The following NUSAP1 variants were observed in gnomAD, a reference collection of about 807,000 sequenced individuals.
NUSAP1 encodes the protein nucleolar and spindle-associated protein 1.
In NUSAP1, 32 loss-of-function variants were observed where a neutral mutation model predicts 52.8. That is an observed-to-expected ratio of 0.61 (90% CI 0.46 to 0.81). The LOEUF (loss-of-function observed/expected upper bound fraction) is 0.81. Among genes scored for constraint, NUSAP1 ranks in the 40% least tolerant of loss-of-function variants. The pLI, the probability that NUSAP1 is intolerant of heterozygous loss-of-function variation, is 0.00. For missense variants in NUSAP1, 499 were observed against 522.3 expected, an observed-to-expected ratio of 0.96 and a Z score of 0.43; for synonymous variants, 195 against 183.1, an observed-to-expected ratio of 1.06 and a Z score of -0.52.
chr15:41,378,297 C>T (rs564993890), intron 10 of NUSAP1, among the ~76,000 whole-genome samples: 40 of 152,290 alleles, frequency 2.6e-4, no homozygotes, highest in African/African-American at 5.8e-4. Flanking sequence ...GGCGTCAAGG[C>T]CCTATAAAGA....
rs2048935807 is a variant in NUSAP1 at position 41,355,609 on chromosome 15, A to G, written c.449-430A>G. The stretch of plus-strand genomic sequence containing the variant: ...CTCCCTATGTGCTGTTTCTACCACC[A>G]TCTTGACAGAGCCTACCATGTGAAA... On this transcript the variant is annotated intron_variant, in intron 4 of 10. Transcript: ENST00000559596. 2.0e-5 allele frequency among the ~76,000 whole-genome samples: 3 copies of G among 151,696 alleles called. 1 individual carries two copies. The South Asian group carries it at 6.2e-4, about 31-fold the overall frequency.
At chr15:41,347,199 C>T (rs1463146354) in intron 2 of NUSAP1, among the ~76,000 whole-genome samples, 3 of 151,984 alleles carry the variant, frequency 2.0e-5, no homozygotes, top group African/African-American at 7.2e-5. Context: ...GATGATAGGC[C>T]TCACTAAACC....
In NUSAP1 at chr15:41,332,985, G is replaced by T; in HGVS notation, c.28G>T (p.Asp10Tyr). Residue 10 changes from aspartate to tyrosine, a missense_variant, in exon 1 of 11, where the codon GAC (aspartate) becomes TAC (tyrosine). Coordinates refer to ENST00000559596, the MANE Select transcript of NUSAP1 (RefSeq NM_016359.5). ...GATCATCCCCTCTCTAGAGGAGCTG[G>T]ACTCCCTCAAGTACAGTGACCTGCA... MIIPSLEEL[D>Y]SLKYSDLQNL... is the part of the protein sequence containing the mutation. The T allele has an allele frequency of 6.2e-7, 1 of 1,611,726 alleles. No homozygotes were observed. The highest frequency in any genetic ancestry group is 8.5e-7 in the Non-Finnish European group (1 of 1,178,888).
intron 5 of NUSAP1, among the ~76,000 whole-genome samples, chr15:41,357,209 A>G (rs2049006736): frequency 6.6e-6 from 1 of 151,922 alleles, no homozygotes; most frequent in African/African-American, 2.4e-5. Context: ...CTCTACTGAA[A>G]ATACAAACAT....
intron 2 of NUSAP1, chr15:41,345,468 C>CTTTT: frequency 2.8e-6 from 1 of 355,688 alleles, no homozygotes; most frequent in African/African-American, 2.3e-5. Flanking sequence ...TTTTTTCTTT[C>CTTTT]TTTTTTTTTT....
At chr15:41,340,240 C>T (rs541801387) in intron 1 of NUSAP1, among the ~76,000 whole-genome samples, 4 of 152,106 alleles carry the variant, frequency 2.6e-5, no homozygotes, top group African/African-American at 4.8e-5. Context: ...CTGTTCTTGG[C>T]GCTCGCTCTG....
intron 9 of NUSAP1, among the ~76,000 whole-genome samples, chr15:41,376,343 G>A (rs2049933955): frequency 6.6e-6 from 1 of 151,944 alleles, no homozygotes; most frequent in Admixed American, 6.6e-5. Flanking sequence ...AGGTTGCAGT[G>A]AGCCGAGATT....
chr15:41,365,700 T>C (rs1262737830), intron 7 of NUSAP1, 111 bp downstream of exon 7: 9 of 675,866 alleles, frequency 1.3e-5, no homozygotes, highest in Non-Finnish European at 2.0e-5. Flanking sequence ...GGGTACATAG[T>C]GATGTTTCTT....
chr15:41,345,672 G>A, intron 2 of NUSAP1: 1 of 267,336 alleles, frequency 3.7e-6, no homozygotes, highest in South Asian at 3.1e-5. Context: ...TTGTCAGGCT[G>A]GTCTCAAACT....
chr15:41,334,227 TCC>T, intron 1 of NUSAP1, among the ~76,000 whole-genome samples: 1 of 152,300 alleles, frequency 6.6e-6, no homozygotes, highest in African/African-American at 2.4e-5. Context: ...CAAGCGATTC[TCC>T]TGCCTCAGCC....
chr15:41,377,247 A>G lies in NUSAP1; in HGVS notation c.1175A>G (p.His392Arg). 1 of 1,543,338 alleles carries G rather than the reference A, an allele frequency of 6.5e-7. No individual in the cohort carries two copies. Among genetic ancestry groups the G allele is most frequent in the East Asian group, 2.4e-5 (1 of 41,122 alleles). Residue 392 changes from histidine to arginine, a missense_variant, in exon 10 of 11, where the codon CAT (histidine) becomes CGT (arginine). By Grantham distance (29) the His-to-Arg change is conservative (BLOSUM62 0). Transcript: ENST00000559596. The part of the protein sequence containing the change: ...QSKENNYLNQ[H>R]VNRINFYKKT... Reference sequence around the variant, plus strand: ...AAAGAAAATAATTATCTAAATCAACATGTCAACAGAATTAACTTCTACAAG... The same window carrying G: ...AAAGAAAATAATTATCTAAATCAACGTGTCAACAGAATTAACTTCTACAAG...
At chr15:41,376,600 A>C (rs1437412012) in intron 9 of NUSAP1, among the ~76,000 whole-genome samples, 1 of 151,754 alleles carries the variant, frequency 6.6e-6, no homozygotes, top group Non-Finnish European at 1.5e-5. Flanking sequence ...CTGAGGTGGG[A>C]GAATGGTGTG....
At chr15:41,380,040 A>T in intron 10 of NUSAP1, 53 bp from the exon 11 acceptor site, 1 of 1,318,052 alleles carries the variant, frequency 7.6e-7, no homozygotes, top group East Asian at 2.5e-5. Flanking sequence ...GTTGCTTTAA[A>T]GTATCTGTTT....
chr15:41,380,302 C>T lies in NUSAP1; in HGVS notation c.*116C>T. 1.5e-6 allele frequency: 1 copy of T among 675,750 alleles called. No individual in the cohort carries two copies. The highest frequency in any genetic ancestry group is 2.8e-5 in the East Asian group (1 of 35,786). The allele number at this position is 675,750 out of a possible 1,614,324, so 41.9% of individuals were successfully genotyped here. A position where few individuals can be genotyped will look rare whatever the true frequency, so the allele number is the denominator to read the frequency against. On this transcript the variant is annotated 3_prime_UTR_variant, in exon 11 of 11. Coordinates refer to ENST00000559596, the MANE Select transcript of NUSAP1 (RefSeq NM_016359.5). ...ACGAGATCTTTTTCTGCTAACTGTT[C>T]ATAGTCTGTGTAGTGTCCATGGGTT...
chr15:41,377,435 C>G (rs1014289597), intron 10 of NUSAP1, 131 bp downstream of exon 10: 13 of 499,010 alleles, frequency 2.6e-5, no homozygotes, highest in African/African-American at 1.0e-4. Flanking sequence ...TGCGGTGGCT[C>G]ACGCCTGTAA....
intron 6 of NUSAP1, among the ~76,000 whole-genome samples, chr15:41,363,566 C>T (rs1053195227): frequency 1.3e-5 from 2 of 151,778 alleles, no homozygotes; most frequent in East Asian, 3.9e-4. Context: ...TAGAGACAGG[C>T]CTCCCTATGT....
chr15:41,365,515 T>C lies in NUSAP1; in HGVS notation c.774T>C (p.Pro258=). The change falls in exon 7 of 11, where the codon CCT becomes CCC. Residue 258 remains proline (P), a synonymous_variant. Transcript: ENST00000559596. ...QRRSQGRSCG[P]ASQSTLGLKG... The stretch of plus-strand genomic sequence containing the variant: ...GCTCGCAAGGCCGGTCTTGTGGCCC[T>C]GCAAGTCAGAGTACCTTGGGTCTGA... The C allele has an allele frequency of 6.2e-7, 1 of 1,612,810 alleles. No individual in the cohort carries two copies. Among genetic ancestry groups the C allele is most frequent in the Non-Finnish European group, 8.5e-7 (1 of 1,179,440 alleles).
In NUSAP1 at chr15:41,332,883, G is replaced by A. The variant is rs2047963061; in HGVS notation, c.-75G>A. The A allele has an allele frequency of 1.7e-6, 2 of 1,161,424 alleles. No individual in the cohort carries two copies. The highest frequency in any genetic ancestry group is 1.5e-5 in the African/African-American group (1 of 65,536). The allele number at this position is 1,161,424 out of a possible 1,614,324, so 71.9% of individuals were successfully genotyped here. On this transcript the variant is annotated 5_prime_UTR_variant, in exon 1 of 11. Coordinates refer to ENST00000559596, the MANE Select transcript of NUSAP1 (RefSeq NM_016359.5). Reference sequence around the variant, plus strand: ...TTTCTGCCTAGTCAAAGTTAAGAGTGGCGCCAGGGATTTGAACCGCGCTGA... The same window carrying A: ...TTTCTGCCTAGTCAAAGTTAAGAGTAGCGCCAGGGATTTGAACCGCGCTGA...
At chr15:41,371,919 T>C (rs557465487) in intron 8 of NUSAP1, among the ~76,000 whole-genome samples, 1 of 152,038 alleles carries the variant, frequency 6.6e-6, no homozygotes, top group African/African-American at 2.4e-5. Flanking sequence ...TACAGACACA[T>C]GCCACCATGC....
Sources: allele counts gnomAD v4.1 joint callset (sites outside exome capture counted in the v4.1 genomes callset), GRCh38; gene constraint gnomAD v4.1.1; transcripts MANE v1.5; gene names NCBI Gene and HGNC (gene_info 2026-07-23, HGNC 2026-07-21).